TMEM233: variants seen among roughly 807,000 people sequenced by gnomAD.
The protein encoded by TMEM233 is transmembrane protein 233.
In TMEM233, 6 loss-of-function variants were observed where a neutral mutation model predicts 11.2. The observed-to-expected ratio is 0.54, with a 90% confidence interval of 0.29 to 1.06. The LOEUF is 1.06. Ranked by LOEUF, TMEM233 falls within the 50% of genes least tolerant of loss-of-function variation. The pLI is 0.08. For missense variants in TMEM233, 127 were observed against 144.7 expected (o/e 0.88, Z 0.63); for synonymous variants, 59 against 55.8 (o/e 1.06, Z -0.26).
At chr12:119,615,203 A>C (rs1479974426) in intron 1 of TMEM233, among the ~76,000 whole-genome samples, 1 of 111,772 alleles carries the variant, frequency 8.9e-6, no homozygotes, top group African/African-American at 3.3e-5. Flanking sequence ...AAAAAAAAAA[A>C]AAACTGCCTC....
chr12:119,612,055 G>A (rs1424247849), intron 1 of TMEM233, among the ~76,000 whole-genome samples: 1 of 151,678 alleles, frequency 6.6e-6, no homozygotes, highest in Non-Finnish European at 1.5e-5. Flanking sequence ...GTGCAGTGGT[G>A]TGGTCTCAGC....
intron 1 of TMEM233, among the ~76,000 whole-genome samples, chr12:119,597,842 G>A (rs562199864): frequency 6.6e-6 from 1 of 152,272 alleles, no homozygotes; most frequent in African/African-American, 2.4e-5. Flanking sequence ...CTCAATTTGA[G>A]GGACGCATGT....
chr12:119,628,155 A>AT lies in TMEM233; in HGVS notation c.187-1573dup, dbSNP rs202093884. 1.7e-3 allele frequency among the ~76,000 whole-genome samples: 255 copies of AT among 150,476 alleles called. 1 individual carries two copies. Among genetic ancestry groups the AT allele is most frequent in the Admixed American group, 4.0e-3 (60 of 15,088 alleles). On this transcript the variant is annotated intron_variant, in intron 1 of 2. Coordinates refer to ENST00000426426, the MANE Select transcript of TMEM233 (RefSeq NM_001136534.3). The stretch of plus-strand genomic sequence containing the variant: ...CTCAATCAAGCTGCTTTTATATTTT[A>AT]TTTTTTTTATTTTTATTTTTGAGAC...
At chr12:119,635,003 G>A (rs1954945441) in intron 2 of TMEM233, among the ~76,000 whole-genome samples, 2 of 152,230 alleles carry the variant, frequency 1.3e-5, no homozygotes, top group South Asian at 4.1e-4. Context: ...AATTGTTCTT[G>A]TCCAGACAGA....
rs1938643795 is a variant in TMEM233 at position 119,594,193 on chromosome 12, T to C, written c.186+159T>C. On this transcript the variant is annotated intron_variant, in intron 1 of 2. Transcript: ENST00000426426. The surrounding 1 kb of genome is among the most constrained non-coding windows in gnomAD (Gnocchi z 5.6). ...CACCTCCTCCTCACCTTTCTCGGGCTCTCAGAGCTCTCCCCGCAATCATCA... is the reference window on the plus strand; with the variant it reads ...CACCTCCTCCTCACCTTTCTCGGGCCCTCAGAGCTCTCCCCGCAATCATCA... The C allele has an allele frequency of 7.4e-6, 5 of 680,068 alleles. No homozygotes were observed. Among genetic ancestry groups the C allele is most frequent in the Non-Finnish European group, 1.2e-5 (5 of 406,612 alleles). The allele number at this position is 680,068 out of a possible 1,614,324, so 42.1% of individuals were successfully genotyped here.
intron 1 of TMEM233, among the ~76,000 whole-genome samples, chr12:119,604,110 G>A (rs1248548728): frequency 2.6e-5 from 4 of 152,210 alleles, no homozygotes; most frequent in Non-Finnish European, 4.4e-5. Context: ...ACACTCTTCA[G>A]CTCAAAGCCC....
At chr12:119,654,179 T>C in the TMEM233 span, among the ~76,000 whole-genome samples, 2 of 151,934 alleles carry the variant, frequency 1.3e-5, no homozygotes, top group Admixed American at 6.6e-5. Flanking sequence ...AACAATTAAA[T>C]ACAGAATAGA....
At chr12:119,614,157 G>C (rs879114474) in intron 1 of TMEM233, among the ~76,000 whole-genome samples, 2 of 151,990 alleles carry the variant, frequency 1.3e-5, no homozygotes, top group Non-Finnish European at 2.9e-5. Flanking sequence ...TCCCAGCAGG[G>C]AGTACTTTGG....
downstream of TMEM233, among the ~76,000 whole-genome samples, chr12:119,644,183 G>A (rs1395105470): frequency 6.6e-6 from 1 of 152,124 alleles, no homozygotes; most frequent in Non-Finnish European, 1.5e-5. Context: ...AACATAAATG[G>A]ATGCTGTGGC....
intron 1 of TMEM233, among the ~76,000 whole-genome samples, chr12:119,622,840 G>A (rs559164099): frequency 5.9e-5 from 9 of 152,300 alleles, no homozygotes; most frequent in African/African-American, 2.2e-4. Context: ...GGGGAGAGGA[G>A]CTTCCACACT....
At chr12:119,603,138 G>A (rs1954200303) in intron 1 of TMEM233, among the ~76,000 whole-genome samples, 1 of 152,192 alleles carries the variant, frequency 6.6e-6, no homozygotes, top group Non-Finnish European at 1.5e-5. Context: ...GGGCACAGCA[G>A]TGAGTGCCTG....
At chr12:119,626,519 AGAAG>A (rs774876419) in intron 1 of TMEM233, among the ~76,000 whole-genome samples, 922 of 57,106 alleles carry the variant, frequency 0.016, 125 homozygotes, top group African/African-American at 0.056. Context: ...GAGGAGGAGG[AGAAG>A]GGAGAAGGGA....
At chr12:119,643,660 C>A (rs188519266), downstream of TMEM233, among the ~76,000 whole-genome samples, 2,774 of 151,748 alleles carry the variant, frequency 0.018, 92 homozygotes, top group African/African-American at 0.064. Context: ...CCCAGCTACT[C>A]GGGAGGCTGA....
chr12:119,625,421 G>A (rs1202811516), intron 1 of TMEM233, among the ~76,000 whole-genome samples: 1 of 147,654 alleles, frequency 6.8e-6, no homozygotes, highest in East Asian at 2.0e-4. Flanking sequence ...CCAGGCTGGA[G>A]TGCAGTGGCA....
At chr12:119,624,160 G>C (rs991226060) in intron 1 of TMEM233, among the ~76,000 whole-genome samples, 1 of 151,510 alleles carries the variant, frequency 6.6e-6, no homozygotes, top group South Asian at 2.1e-4. Flanking sequence ...AACCAGCCTG[G>C]GCAACATGGC....
chr12:119,637,679 T>C (rs1456522818), intron 2 of TMEM233, among the ~76,000 whole-genome samples: 1 of 152,162 alleles, frequency 6.6e-6, no homozygotes, highest in African/African-American at 2.4e-5. Flanking sequence ...TTCTAGAAGG[T>C]TAGAAGGGTC....
At chr12:119,612,101 C>T (rs1954410940) in intron 1 of TMEM233, among the ~76,000 whole-genome samples, 1 of 152,074 alleles carries the variant, frequency 6.6e-6, no homozygotes, top group African/African-American at 2.4e-5. Flanking sequence ...TCAAGTGACT[C>T]TCCTGCGTCA....
chr12:119,626,456 C>A (rs1954758857), intron 1 of TMEM233, among the ~76,000 whole-genome samples: 1 of 116,166 alleles, frequency 8.6e-6, no homozygotes, highest in Admixed American at 1.1e-4. Context: ...GGAAACAAAG[C>A]AAGACTCCGT....
chr12:119,650,673 C>T, the TMEM233 span, among the ~76,000 whole-genome samples: 2 of 151,676 alleles, frequency 1.3e-5, no homozygotes, highest in East Asian at 1.9e-4. Context: ...GACGGAGTCT[C>T]GCTCTGTTGC....
Sources: allele counts gnomAD v4.1 joint callset (sites outside exome capture counted in the v4.1 genomes callset), GRCh38; gene constraint gnomAD v4.1.1; non-coding constraint Gnocchi (gnomAD v3.1); transcripts MANE v1.5; gene names NCBI Gene and HGNC (gene_info 2026-07-23, HGNC 2026-07-21).